Variants in PUM1 observed in about 807,000 individuals in gnomAD.
PUM1 encodes pumilio RNA binding family member 1.
PUM1 carries 13 observed loss-of-function variants against 131.8 expected under a neutral mutation model. The ratio of observed to expected loss-of-function variants is 0.10; its 90% CI spans 0.06 to 0.16. PUM1 has a LOEUF of 0.16. Ranked by LOEUF, PUM1 falls within the 10% of genes least tolerant of loss-of-function variation. The pLI is 1.00. For synonymous variants in PUM1, 509 were observed against 556.5 expected (o/e 0.91, Z 1.20); for missense variants, 961 against 1,512.4 (o/e 0.64, Z 6.05).
chr1:30,953,861 G>C lies in PUM1; in HGVS notation c.2444C>G (p.Ser815Cys). The change falls in exon 15 of 22, where the codon TCT (serine) becomes TGT (cysteine). Residue 815 changes from serine to cysteine, a missense_variant. By Grantham distance (112) the Ser-to-Cys change is moderately radical. Transcript: ENST00000426105. ...FSPSSTLFSS[S>C]RLRYGMSDVM... ...ATCAGACATTCCATATCGCAAACGA[G>C]AGGAAGAGAAAAGAGTGCTGCTCGG... 6.2e-7 allele frequency: 1 copy of C among 1,614,234 alleles called. No homozygotes were observed. The highest frequency in any genetic ancestry group is 1.3e-5 in the African/African-American group (1 of 75,064).
intron 2 of PUM1, among the ~76,000 whole-genome samples, chr1:31,029,830 C>T (rs1643353570): frequency 6.7e-6 from 1 of 150,298 alleles, no homozygotes; most frequent in South Asian, 2.1e-4. Context: ...GGGAGGATCA[C>T]GTAAGCCCAG....
intron 3 of PUM1, among the ~76,000 whole-genome samples, chr1:31,017,418 G>A (rs1216627984): frequency 6.6e-6 from 1 of 152,174 alleles, no homozygotes; most frequent in Non-Finnish European, 1.5e-5. Context: ...AGAATTTAGA[G>A]CAAGCTTGTC....
At chr1:31,013,792 T>G (rs1239738954) in intron 3 of PUM1, among the ~76,000 whole-genome samples, 1 of 152,222 alleles carries the variant, frequency 6.6e-6, no homozygotes, top group Non-Finnish European at 1.5e-5. Flanking sequence ...TTTTCACAAC[T>G]TATGTAGTCT....
At chr1:31,007,218 T>G in intron 3 of PUM1, 116 bp from the exon 4 acceptor site, 1 of 725,278 alleles carries the variant, frequency 1.4e-6, no homozygotes, top group Non-Finnish European at 2.4e-6. Flanking sequence ...TGAAGGTCTT[T>G]AATTAAAGTG....
intron 2 of PUM1, among the ~76,000 whole-genome samples, chr1:31,030,879 G>A (rs1233628878): frequency 1.3e-5 from 2 of 152,088 alleles, no homozygotes; most frequent in Non-Finnish European, 2.9e-5. Context: ...GAGACACACC[G>A]TATCACTAAG....
At chr1:31,058,464 T>C (rs559470257) in intron 2 of PUM1, among the ~76,000 whole-genome samples, 11 of 148,646 alleles carry the variant, frequency 7.4e-5, no homozygotes, top group Admixed American at 2.0e-4. Flanking sequence ...ATAGAGACCA[T>C]CCTGGCTAAC....
At position 30,965,238 on chromosome 1, in the gene PUM1, T is replaced by C. The variant is rs374339324; in HGVS notation, c.2087-328A>G. Among the ~76,000 whole-genome samples, 14 of 152,202 alleles carry C rather than the reference T, an allele frequency of 9.2e-5. No individual in the cohort carries two copies. In the East Asian group the frequency reaches 9.7e-4, roughly 11 times the overall value. ...GGACTAGAAGAATGCCTTTCATCAATTGAAAAGGTTCAAGTAGAAAAATGG... is the reference window on the plus strand; with the variant it reads ...GGACTAGAAGAATGCCTTTCATCAACTGAAAAGGTTCAAGTAGAAAAATGG... On this transcript the variant is annotated intron_variant, in intron 13 of 21. Transcript: ENST00000426105.
chr1:30,952,060 G>A (rs1320914513), intron 16 of PUM1, among the ~76,000 whole-genome samples, 174 bp downstream of exon 16: 1 of 152,138 alleles, frequency 6.6e-6, no homozygotes, highest in Non-Finnish European at 1.5e-5. Context: ...AAACCATACA[G>A]AATAGATAGA....
chr1:31,040,738 T>G (rs1643788038), intron 2 of PUM1, among the ~76,000 whole-genome samples: 1 of 151,782 alleles, frequency 6.6e-6, no homozygotes, highest in South Asian at 2.1e-4. Context: ...AACACCCTCA[T>G]CTCTAAAACT....
intron 20 of PUM1, among the ~76,000 whole-genome samples, chr1:30,939,161 T>C (rs576550844): frequency 5.9e-5 from 9 of 152,334 alleles, no homozygotes; most frequent in Non-Finnish European, 1.3e-4. Flanking sequence ...TTTCCTATTA[T>C]CCAGATAGAC....
At chr1:31,052,401 T>C (rs1644133101) in intron 2 of PUM1, among the ~76,000 whole-genome samples, 1 of 149,692 alleles carries the variant, frequency 6.7e-6, no homozygotes, top group Admixed American at 6.8e-5. Flanking sequence ...AATTTCCTTT[T>C]TTTCATTTTT....
intron 11 of PUM1, among the ~76,000 whole-genome samples, chr1:30,967,905 G>C (rs1014773180): frequency 3.3e-5 from 5 of 152,104 alleles, no homozygotes; most frequent in Admixed American, 2.6e-4. Context: ...ATGTATCTCA[G>C]AGGTAGACAG....
chr1:30,968,223 T>A, intron 11 of PUM1, 131 bp downstream of exon 11: 1 of 1,229,824 alleles, frequency 8.1e-7, no homozygotes, highest in South Asian at 1.2e-5. Context: ...CAAGTGTGTA[T>A]CATCCTTGCC....
At chr1:30,977,970 C>T (rs559920452) in intron 9 of PUM1, among the ~76,000 whole-genome samples, 3 of 152,136 alleles carry the variant, frequency 2.0e-5, no homozygotes, top group African/African-American at 4.8e-5. Context: ...CTAGGTTGGG[C>T]GCAGTGGCTC....
chr1:31,048,414 T>C (rs1644022083), intron 2 of PUM1, among the ~76,000 whole-genome samples: 1 of 151,800 alleles, frequency 6.6e-6, no homozygotes, highest in East Asian at 1.9e-4. Context: ...GCTTTCCTCT[T>C]TTCTTTAGCC....
chr1:30,940,633 C>T (rs1639407835), intron 20 of PUM1, among the ~76,000 whole-genome samples: 1 of 152,214 alleles, frequency 6.6e-6, no homozygotes, highest in Non-Finnish European at 1.5e-5. Flanking sequence ...GACTATACCA[C>T]TATCCACATG....
At chr1:31,057,453 G>A (rs1278815599) in intron 2 of PUM1, among the ~76,000 whole-genome samples, 1 of 148,748 alleles carries the variant, frequency 6.7e-6, no homozygotes, top group African/African-American at 2.5e-5. Flanking sequence ...GGCTGGGCAT[G>A]GTGGCTCACA....
At chr1:31,059,829 C>A (rs1262870818) in intron 1 of PUM1, among the ~76,000 whole-genome samples, 1 of 151,654 alleles carries the variant, frequency 6.6e-6, no homozygotes, top group African/African-American at 2.4e-5. Flanking sequence ...AACCAACTGA[C>A]AGTTTTTAAA....
Position 30,981,411 on chromosome 1 carries a change from G to A in PUM1, c.1159-6C>T. 6.4e-7 allele frequency: 1 copy of A among 1,573,716 alleles called. No individual in the cohort carries two copies. Among genetic ancestry groups the A allele is most frequent in the Non-Finnish European group, 8.7e-7 (1 of 1,150,280 alleles). On this transcript the variant is annotated splice_polypyrimidine_tract_variant and splice_region_variant and intron_variant, in intron 7 of 21. Transcript: ENST00000426105. The stretch of plus-strand genomic sequence containing the variant: ...GCATTAGGTCTTTGGAACAGCTGAG[G>A]CAAGAGGAAAAACACGGTGTGGTTA...
Sources: allele counts gnomAD v4.1 joint callset (sites outside exome capture counted in the v4.1 genomes callset), GRCh38; gene constraint gnomAD v4.1.1; transcripts MANE v1.5; gene names NCBI Gene and HGNC (gene_info 2026-07-23, HGNC 2026-07-21).